ACYP2: variants seen among roughly 807,000 people sequenced by gnomAD.
The protein encoded by ACYP2 is acylphosphatase 2.
In ACYP2, 12 loss-of-function variants were observed where a neutral mutation model predicts 11.2. The ratio of observed to expected loss-of-function variants is 1.08; its 90% CI spans 0.69 to 1.74. The LOEUF (loss-of-function observed/expected upper bound fraction) is 1.74, where lower values mean the gene tolerates loss of function less well. Among genes scored for constraint, ACYP2 ranks in the 40% most tolerant of loss-of-function variants. The pLI is 0.00. For missense variants in ACYP2, 134 were observed against 101.9 expected, an observed-to-expected ratio of 1.31 and a Z score of -1.35; for synonymous variants, 43 against 32.2, an observed-to-expected ratio of 1.33 and a Z score of -1.13.
intron 2 of ACYP2, among the ~76,000 whole-genome samples, chr2:53,980,234 T>C (rs548135779): frequency 2.6e-5 from 4 of 152,010 alleles, no homozygotes; most frequent in South Asian, 4.2e-4. Context: ...GTGCCTGTAG[T>C]CCCAGCTACC....
intron 2 of ACYP2, among the ~76,000 whole-genome samples, chr2:54,047,930 C>A (rs1675612337): frequency 6.6e-6 from 1 of 152,020 alleles, no homozygotes; most frequent in African/African-American, 2.4e-5. Context: ...TAGAATTGAC[C>A]CTGTGATCTG....
intron 6 of ACYP2, among the ~76,000 whole-genome samples, chr2:54,266,762 C>T (rs1236589437): frequency 2.0e-5 from 3 of 151,708 alleles, no homozygotes; most frequent in Admixed American, 2.0e-4. Context: ...CCCACCACCA[C>T]GCCTGGCTAA....
intron 4 of ACYP2, among the ~76,000 whole-genome samples, chr2:54,127,911 A>G (rs1473318885): frequency 6.6e-6 from 1 of 152,232 alleles, no homozygotes; most frequent in Non-Finnish European, 1.5e-5. Context: ...ACTGAATGGA[A>G]AAAATAAACT....
intron 6 of ACYP2, among the ~76,000 whole-genome samples, chr2:54,165,348 A>G (rs1385163034): frequency 2.6e-5 from 4 of 152,154 alleles, no homozygotes; most frequent in Non-Finnish European, 5.9e-5. Context: ...GAATACTGCT[A>G]GTCACAAATT....
At chr2:54,042,267 A>G (rs986198477) in intron 2 of ACYP2, among the ~76,000 whole-genome samples, 1 of 152,164 alleles carries the variant, frequency 6.6e-6, no homozygotes, top group Non-Finnish European at 1.5e-5. Flanking sequence ...TGGCCTCCCA[A>G]AGTGCTGGGA....
chr2:54,104,181 G>T (rs1298788639), intron 4 of ACYP2, among the ~76,000 whole-genome samples: 1 of 152,194 alleles, frequency 6.6e-6, no homozygotes, highest in Non-Finnish European at 1.5e-5. Flanking sequence ...TCTGATGGGA[G>T]ATATATACTG....
chr2:54,048,166 C>T (rs1171101534), intron 2 of ACYP2, among the ~76,000 whole-genome samples: 1 of 152,116 alleles, frequency 6.6e-6, no homozygotes, highest in Non-Finnish European at 1.5e-5. Flanking sequence ...TGGCTCATGT[C>T]TGTAATCCCA....
intron 6 of ACYP2, among the ~76,000 whole-genome samples, chr2:54,194,110 C>T (rs1313382585): frequency 2.0e-5 from 3 of 152,122 alleles, no homozygotes; most frequent in African/African-American, 7.2e-5. Context: ...ACGATCTAGG[C>T]TCACTGCAAC....
rs13413118 is a variant in ACYP2 at position 54,292,777 on chromosome 2, G to A, written c.405-11911G>A. Among the ~76,000 whole-genome samples, 406 of 151,994 alleles carry A rather than the reference G, an allele frequency of 2.7e-3. 5 individuals are homozygous for A. The highest frequency in any genetic ancestry group is 9.5e-3 in the African/African-American group (392 of 41,470). ...CTTACAGATTCCCTCATTAATTAATGTATTAAATAAAATATTTGTGACATG... is the reference window on the plus strand; with the variant it reads ...CTTACAGATTCCCTCATTAATTAATATATTAAATAAAATATTTGTGACATG... On this transcript the variant is annotated intron_variant, in intron 6 of 6. Coordinates refer to ENST00000607452, the MANE Select transcript of ACYP2 (RefSeq NM_001320586.2).
intron 6 of ACYP2, among the ~76,000 whole-genome samples, chr2:54,219,559 C>T (rs537799613): frequency 6.6e-6 from 1 of 152,190 alleles, no homozygotes; most frequent in East Asian, 1.9e-4. Flanking sequence ...CAGATTAGTT[C>T]ATTCGAATTA....
chr2:54,115,370 T>C, intron 4 of ACYP2: 1 of 529,448 alleles, frequency 1.9e-6, no homozygotes, highest in South Asian at 3.1e-5. Flanking sequence ...CCGGCTTTTA[T>C]TTACTAACTT....
chr2:54,240,366 A>G (rs1299024702), intron 6 of ACYP2, among the ~76,000 whole-genome samples: 1 of 152,212 alleles, frequency 6.6e-6, no homozygotes, highest in African/African-American at 2.4e-5. Flanking sequence ...TATGTGGTGA[A>G]GCCTTCTTGG....
chr2:54,303,291 C>T (rs955382796), intron 6 of ACYP2, among the ~76,000 whole-genome samples: 7 of 152,088 alleles, frequency 4.6e-5, no homozygotes, highest in African/African-American at 1.7e-4. Context: ...GTCAAGGCTG[C>T]AGTGAGCCAT....
intron 4 of ACYP2, among the ~76,000 whole-genome samples, chr2:54,061,987 A>G (rs1167030032): frequency 6.6e-6 from 1 of 152,238 alleles, no homozygotes; most frequent in African/African-American, 2.4e-5. Flanking sequence ...TTTTATTAAT[A>G]TCTTACATAG....
intron 6 of ACYP2, among the ~76,000 whole-genome samples, chr2:54,189,877 C>G (rs1684170233): frequency 6.6e-6 from 1 of 152,172 alleles, no homozygotes; most frequent in African/African-American, 2.4e-5. Flanking sequence ...CTTGTTATCT[C>G]TTTTTAATTA....
chr2:54,110,290 T>C (rs1436078848), intron 4 of ACYP2, among the ~76,000 whole-genome samples: 1 of 152,168 alleles, frequency 6.6e-6, no homozygotes, highest in East Asian at 1.9e-4. Flanking sequence ...CCAAATATTA[T>C]ATCATAGTAC....
chr2:54,014,484 T>A (rs1223175947), intron 2 of ACYP2, among the ~76,000 whole-genome samples: 1 of 151,952 alleles, frequency 6.6e-6, no homozygotes, highest in Non-Finnish European at 1.5e-5. Context: ...CAGGCCTGGC[T>A]AATTTTTTGT....
intron 2 of ACYP2, among the ~76,000 whole-genome samples, chr2:54,009,037 TAGCTACTCAGGAGGCTG>T (rs1673219745): frequency 6.6e-6 from 1 of 151,058 alleles, no homozygotes; most frequent in South Asian, 2.1e-4. Flanking sequence ...CCTGTAATCC[TAGCTACTCAGGAGGCTG>T]AGGCAGGAGA....
intron 4 of ACYP2, among the ~76,000 whole-genome samples, chr2:54,073,301 AAGAT>A (rs1677160600): frequency 6.6e-6 from 1 of 151,978 alleles, no homozygotes; most frequent in African/African-American, 2.4e-5. Flanking sequence ...CTGAGGTGGG[AAGAT>A]CTCTTGAGCC....
Sources: gnomAD v4.1 joint callset for allele counts (sites outside exome capture counted in the v4.1 genomes callset) on GRCh38, gnomAD v4.1.1 for gene constraint, MANE v1.5 for transcripts, NCBI Gene and HGNC (gene_info 2026-07-23, HGNC 2026-07-21) for gene names.